FBXO11: variants seen among roughly 807,000 people sequenced by gnomAD.
FBXO11 encodes the protein F-box only protein 11.
In FBXO11, 13 loss-of-function variants were observed where a neutral mutation model predicts 117.0. The observed-to-expected ratio is 0.11, with a 90% CI of 0.07 to 0.18. The LOEUF (loss-of-function observed/expected upper bound fraction) is 0.18. Ranked by LOEUF, FBXO11 falls within the 10% of genes least tolerant of loss-of-function variation. The pLI, the probability that FBXO11 is intolerant of heterozygous loss-of-function variation, is 1.00. For missense variants in FBXO11, 767 were observed against 1,164.4 expected (o/e 0.66, Z 4.97); for synonymous variants, 490 against 380.5 (o/e 1.29, Z -3.35).
At chr2:47,857,369 C>T (rs1261522612) in intron 1 of FBXO11, among the ~76,000 whole-genome samples, 1 of 152,098 alleles carries the variant, frequency 6.6e-6, no homozygotes, top group Non-Finnish European at 1.5e-5. Flanking sequence ...GATCCTCCTG[C>T]CTCAGCCTCC....
chr2:47,851,964 T>C (rs1285608183), intron 1 of FBXO11, among the ~76,000 whole-genome samples: 1 of 152,004 alleles, frequency 6.6e-6, no homozygotes, highest in Non-Finnish European at 1.5e-5. Context: ...GCCATGCTAA[T>C]AGTAGTCTCT....
intron 13 of FBXO11, among the ~76,000 whole-genome samples, chr2:47,820,842 G>A (rs1287446313): frequency 6.6e-6 from 1 of 152,196 alleles, no homozygotes; most frequent in African/African-American, 2.4e-5. Flanking sequence ...AGGTTAAGAT[G>A]CTCCGCAGAG....
intron 1 of FBXO11, among the ~76,000 whole-genome samples, chr2:47,900,889 C>CGT (rs1678185979): frequency 7.3e-6 from 1 of 137,200 alleles, no homozygotes; most frequent in East Asian, 2.1e-4. Context: ...TATATATACA[C>CGT]GTATATATAC....
chr2:47,876,618 A>T (rs1455398104), intron 1 of FBXO11, among the ~76,000 whole-genome samples: 1 of 152,204 alleles, frequency 6.6e-6, no homozygotes, highest in Non-Finnish European at 1.5e-5. Context: ...TACGTTGTTA[A>T]TTTAACTAAT....
intron 1 of FBXO11, chr2:47,888,778 A>C: frequency 3.1e-5 from 11 of 350,864 alleles, no homozygotes; most frequent in Non-Finnish European, 4.0e-5. Context: ...TCAGAACCTC[A>C]ACTGTAGCCC....
At chr2:47,902,559 A>G (rs1678376459) in intron 1 of FBXO11, among the ~76,000 whole-genome samples, 1 of 152,134 alleles carries the variant, frequency 6.6e-6, no homozygotes, top group Non-Finnish European at 1.5e-5. Flanking sequence ...ATATACACAA[A>G]TATACCCACA....
intron 1 of FBXO11, among the ~76,000 whole-genome samples, chr2:47,904,182 T>C (rs1319968467): frequency 2.0e-5 from 3 of 152,194 alleles, no homozygotes; most frequent in Non-Finnish European, 4.4e-5. Flanking sequence ...TTAATCTCAA[T>C]CCCTTTAACC....
intron 1 of FBXO11, among the ~76,000 whole-genome samples, chr2:47,843,930 G>A (rs920717788): frequency 3.9e-5 from 6 of 151,972 alleles, no homozygotes; most frequent in African/African-American, 1.2e-4. Flanking sequence ...TAATAGAGAC[G>A]GGGTTTCACT....
chr2:47,885,253 T>G (rs1384012775), intron 1 of FBXO11, among the ~76,000 whole-genome samples: 8 of 151,984 alleles, frequency 5.3e-5, no homozygotes, highest in African/African-American at 1.9e-4. Flanking sequence ...TTTACTACAG[T>G]GTCAAAAAAA....
At chr2:47,904,069 C>T (rs1426704475) in intron 1 of FBXO11, among the ~76,000 whole-genome samples, 1 of 152,184 alleles carries the variant, frequency 6.6e-6, no homozygotes, top group African/African-American at 2.4e-5. Context: ...GCCTTTTAAA[C>T]TATTTTCCGA....
intron 1 of FBXO11, among the ~76,000 whole-genome samples, chr2:47,858,361 T>C (rs887994123): frequency 2.6e-5 from 4 of 151,126 alleles, no homozygotes; most frequent in African/African-American, 9.7e-5. Context: ...TCAATAACAA[T>C]GTTCTAAAGC....
chr2:47,823,065 G>C (rs1443880139), intron 12 of FBXO11, 78 bp downstream of exon 12: 11 of 1,046,764 alleles, frequency 1.1e-5, no homozygotes, highest in Non-Finnish European at 1.5e-5. Flanking sequence ...ACTTTCAAGA[G>C]TTAAAGCTCA....
At position 47,906,335 on chromosome 2, in the gene FBXO11, G is replaced by A. The variant is rs1039424689; in HGVS notation, c.-615C>T. The stretch of plus-strand genomic sequence containing the variant: ...CCCCCCCTTCTCTCCTCGGCGAAGG[G>A]GAAATGAGTGTGAAGGGAGGAGATA... On this transcript the variant is annotated 5_prime_UTR_variant, in exon 1 of 23. Coordinates refer to ENST00000403359, the MANE Select transcript of FBXO11 (RefSeq NM_001190274.2). Among the ~76,000 whole-genome samples the A allele has an allele frequency of 6.6e-6, 1 of 152,158 alleles. No individual in the cohort carries two copies. Among genetic ancestry groups the A allele is most frequent in the Non-Finnish European group, 1.5e-5 (1 of 68,018 alleles).
intron 1 of FBXO11, among the ~76,000 whole-genome samples, chr2:47,878,391 T>G (rs991489036): frequency 7.9e-5 from 12 of 151,922 alleles, no homozygotes; most frequent in Non-Finnish European, 7.4e-5. Context: ...AGAGTCTCAC[T>G]CTGTCACCCA....
intron 1 of FBXO11, among the ~76,000 whole-genome samples, chr2:47,854,797 G>T (rs1337361189): frequency 6.6e-6 from 1 of 151,950 alleles, no homozygotes; most frequent in African/African-American, 2.4e-5. Flanking sequence ...TGAGAACCAT[G>T]GGAGTCAAAG....
intron 16 of FBXO11, among the ~76,000 whole-genome samples, chr2:47,816,305 G>A (rs193226658): frequency 1.2e-3 from 185 of 152,140 alleles, no homozygotes; most frequent in African/African-American, 3.6e-3. Context: ...TCAGCCTTCC[G>A]GGTAGCTGGG....
chr2:47,863,914 C>T (rs1276397921), intron 1 of FBXO11, among the ~76,000 whole-genome samples: 1 of 150,928 alleles, frequency 6.6e-6, no homozygotes, highest in Non-Finnish European at 1.5e-5. Flanking sequence ...GCACTCCAAC[C>T]TGGGAGACAG....
intron 1 of FBXO11, chr2:47,883,517 T>C: frequency 7.5e-6 from 3 of 397,988 alleles, no homozygotes; most frequent in Non-Finnish European, 1.0e-5. Flanking sequence ...AACCCTTGGA[T>C]ACAACAGAAA....
At chr2:47,826,058 A>C (rs180846744) in intron 11 of FBXO11, among the ~76,000 whole-genome samples, 2 of 151,928 alleles carry the variant, frequency 1.3e-5, no homozygotes, top group African/African-American at 4.8e-5. Context: ...TACATCCACA[A>C]GTTTTTTTGG....
Sources: allele counts gnomAD v4.1 joint callset (sites outside exome capture counted in the v4.1 genomes callset), GRCh38; gene constraint gnomAD v4.1.1; transcripts MANE v1.5; gene names NCBI Gene and HGNC (gene_info 2026-07-23, HGNC 2026-07-21).